ITFG2: variants seen among roughly 807,000 people sequenced by gnomAD.
ITFG2 encodes KICSTOR complex protein ITFG2.
Under a neutral mutation model 54.4 loss-of-function variants are expected in ITFG2, and 36 were observed. The ratio of observed to expected loss-of-function variants is 0.66; its 90% confidence interval spans 0.51 to 0.87. ITFG2 has a LOEUF of 0.87. Ranked by LOEUF, ITFG2 falls within the 40% of genes least tolerant of loss-of-function variation. The pLI is 0.00. For synonymous variants in ITFG2, 211 were observed against 225.4 expected (o/e 0.94, Z 0.57); for missense variants, 524 against 576.7 (o/e 0.91, Z 0.94).
chr12:2,859,680 G>C (rs769167760), exon 4 of ITFG2: 13 of 1,584,700 alleles, frequency 8.2e-6, no homozygotes, highest in Non-Finnish European at 1.0e-5. Flanking sequence ...GGGAAACAGA[G>C]ATAAGGTGAA....
At chr12:2,826,884 G>T, downstream of ITFG2, 1 of 817,700 alleles carries the variant, frequency 1.2e-6, no homozygotes, top group Non-Finnish European at 1.6e-6. Flanking sequence ...CAGAGCCTTC[G>T]ACCCAGCCCA....
chr12:2,820,918 A>C (rs2097941910), intron 6 of ITFG2, 46 bp downstream of exon 6: 2 of 1,596,010 alleles, frequency 1.3e-6, no homozygotes, highest in African/African-American at 2.7e-5. Context: ...GCATGGAAGC[A>C]GGATGGGCTC....
At chr12:2,851,497 C>T (rs983561948) in intron 2 of ITFG2, among the ~76,000 whole-genome samples, 1 of 151,952 alleles carries the variant, frequency 6.6e-6, no homozygotes, top group African/African-American at 2.4e-5. Flanking sequence ...GCCCCGCCAC[C>T]ATGCCCGGCT....
At chr12:2,834,910 C>T (rs1019836943), upstream of ITFG2, 3 of 1,613,732 alleles carry the variant, frequency 1.9e-6, no homozygotes, top group Non-Finnish European at 2.5e-6. Context: ...TCCTGCCTGT[C>T]TCTGTCCCGT....
chr12:2,828,028 T>G, downstream of ITFG2: 1 of 1,613,958 alleles, frequency 6.2e-7, no homozygotes, highest in Non-Finnish European at 8.5e-7. Flanking sequence ...GCTGAGGCTT[T>G]TAGGACCCTT....
upstream of ITFG2, chr12:2,834,492 G>T: frequency 8.9e-7 from 1 of 1,127,216 alleles, no homozygotes; most frequent in Non-Finnish European, 1.2e-6. Flanking sequence ...GAAGAGCCTT[G>T]AGTTGGCAGG....
At chr12:2,852,661 G>A (rs12229259) in intron 2 of ITFG2, among the ~76,000 whole-genome samples, 26,568 of 151,818 alleles carry the variant, frequency 0.17, 2,580 homozygotes, top group South Asian at 0.29. Context: ...CATCATACTC[G>A]GCTAGGCAAG....
chr12:2,843,158 C>A (rs911245684), intron 2 of ITFG2, among the ~76,000 whole-genome samples: 1 of 152,194 alleles, frequency 6.6e-6, no homozygotes, highest in Non-Finnish European at 1.5e-5. Context: ...CAGAGCTAGA[C>A]AAACAGCTCT....
chr12:2,835,827 A>C (rs1266947521), upstream of ITFG2, among the ~76,000 whole-genome samples: 1 of 152,216 alleles, frequency 6.6e-6, no homozygotes, highest in Non-Finnish European at 1.5e-5. Context: ...TTCTTTATGC[A>C]AATACTTACA....
intron 9 of ITFG2, among the ~76,000 whole-genome samples, chr12:2,822,418 G>A (rs1398044036): frequency 6.6e-6 from 1 of 152,156 alleles, no homozygotes; most frequent in Admixed American, 6.5e-5. Flanking sequence ...TATTTTGTAG[G>A]TTTTTCTTGT....
intron 3 of ITFG2, chr12:2,858,821 G>T (rs748580011): frequency 6.2e-7 from 1 of 1,614,238 alleles, no homozygotes. Flanking sequence ...GCTCCGGGGA[G>T]CCTGGCTTGG....
downstream of ITFG2, among the ~76,000 whole-genome samples, chr12:2,829,728 C>T (rs2097990337): frequency 6.6e-6 from 1 of 151,950 alleles, no homozygotes. Context: ...GATCATGCCA[C>T]TACACTCCAG....
intron 2 of ITFG2, among the ~76,000 whole-genome samples, chr12:2,842,969 C>G (rs946843680): frequency 2.6e-5 from 4 of 152,158 alleles, no homozygotes; most frequent in Non-Finnish European, 5.9e-5. Flanking sequence ...CATAGCCGTT[C>G]ATGCCTTCAG....
intron 2 of ITFG2, among the ~76,000 whole-genome samples, chr12:2,850,815 G>GGT (rs1003920276): frequency 1.3e-5 from 2 of 150,996 alleles, no homozygotes; most frequent in Non-Finnish European, 2.9e-5. Flanking sequence ...TGGGATTACA[G>GGT]GTGCACCACC....
At chr12:2,817,346 G>A (rs78846533) in intron 2 of ITFG2, 28 bp downstream of exon 2, 8 of 1,523,010 alleles carry the variant, frequency 5.3e-6, no homozygotes, top group Non-Finnish European at 5.5e-6. Flanking sequence ...TGGGCCTGGA[G>A]GGGGGAAGGG....
At chr12:2,838,067 C>A (rs189885726) in intron 1 of ITFG2, among the ~76,000 whole-genome samples, 6 of 152,304 alleles carry the variant, frequency 3.9e-5, no homozygotes, top group Admixed American at 3.3e-4. Context: ...GTGGAACTTT[C>A]TAGCTCCCTC....
At chr12:2,829,616 A>G (rs556917263), downstream of ITFG2, among the ~76,000 whole-genome samples, 2 of 151,662 alleles carry the variant, frequency 1.3e-5, no homozygotes, top group Non-Finnish European at 2.9e-5. Context: ...ACAAAAAAAG[A>G]ATTAGCCAGC....
At chr12:2,820,904 G>A (rs2097941817) in intron 6 of ITFG2, 32 bp downstream of exon 6, 8 of 1,608,790 alleles carry the variant, frequency 5.0e-6, no homozygotes, top group African/African-American at 1.3e-5. Context: ...GATGGTGTGG[G>A]GGTGCATGGA....
chr12:2,834,847 G>A (rs141705563), upstream of ITFG2: 11 of 1,613,666 alleles, frequency 6.8e-6, no homozygotes, highest in Admixed American at 1.7e-5. Context: ...CCCTGCTGGA[G>A]GAGTGGGCCA....
Sources: allele counts gnomAD v4.1 joint callset (sites outside exome capture counted in the v4.1 genomes callset), GRCh38; gene constraint gnomAD v4.1.1; transcripts MANE v1.5; gene names NCBI Gene and HGNC (gene_info 2026-07-23, HGNC 2026-07-21).